The following CCDC7 variants were observed in gnomAD, a reference collection of about 807,000 sequenced individuals.
CCDC7 encodes the protein coiled-coil domain containing 7, also known as coiled-coil domain-containing protein 7.
A neutral mutation model predicts 196.9 loss-of-function variants in CCDC7; 183 were observed. That is an observed-to-expected ratio of 0.93 (90% CI 0.82 to 1.05). The LOEUF (loss-of-function observed/expected upper bound fraction) is 1.05. Ranked by LOEUF, CCDC7 falls within the 50% of genes least tolerant of loss-of-function variation. CCDC7 has a pLI of 0.00. For synonymous variants in CCDC7, 525 were observed against 484.6 expected, an observed-to-expected ratio of 1.08 and a Z score of -1.10; for missense variants, 1,540 against 1,482.2, an observed-to-expected ratio of 1.04 and a Z score of -0.64.
At chr10:32,685,176 C>G (rs564070071) in intron 21 of CCDC7, among the ~76,000 whole-genome samples, 6 of 148,106 alleles carry the variant, frequency 4.1e-5, no homozygotes, top group African/African-American at 1.5e-4. Flanking sequence ...TTCTTCCTTA[C>G]CTAACGGTGG....
rs542304106 is a variant in CCDC7 at position 32,559,096 on chromosome 10, G to A, written c.1135-6462G>A. On this transcript the variant is annotated intron_variant, in intron 13 of 41. Coordinates refer to ENST00000639629, the Ensembl canonical transcript of CCDC7. ...CAGCACTCTGAGATCAAACTGCAAGGCGGCAGCGAGGCTGGGGGAGGGGCG... is the reference window on the plus strand; with the variant it reads ...CAGCACTCTGAGATCAAACTGCAAGACGGCAGCGAGGCTGGGGGAGGGGCG... Among the ~76,000 whole-genome samples, 1,206 of 152,360 alleles carry A rather than the reference G, an allele frequency of 7.9e-3. 7 individuals carry two copies. The highest frequency in any genetic ancestry group is 0.02 in the Middle Eastern group (6 of 294).
Position 32,743,083 on chromosome 10 carries a change from T to C in CCDC7, c.2905+13626T>C, listed in dbSNP as rs567847207. ...CTACTGAAGAATGTTATGGGTTTTT[T>C]CCCCAAGTTGTGGCAATTATGAATA... On this transcript the variant is annotated intron_variant, in intron 28 of 41. Transcript: ENST00000639629. Among the ~76,000 whole-genome samples the C allele has an allele frequency of 1.9e-4, 29 of 152,324 alleles. No individual in the cohort carries two copies. In the South Asian group the frequency reaches 5.4e-3, roughly 28 times the overall value.
intron 20 of CCDC7, among the ~76,000 whole-genome samples, chr10:32,652,562 A>G (rs756110404): frequency 5.3e-5 from 8 of 151,920 alleles, no homozygotes; most frequent in Non-Finnish European, 8.8e-5. Context: ...TGTTTTTAGT[A>G]TATCTATTAT....
intron 29 of CCDC7, among the ~76,000 whole-genome samples, chr10:32,787,975 C>T (rs1008149010): frequency 2.6e-5 from 4 of 152,338 alleles, no homozygotes; most frequent in Non-Finnish European, 4.4e-5. Flanking sequence ...TCTAGTCTTG[C>T]TCCACTTCCA....
chr10:32,772,324 T>C (rs1342150555), intron 28 of CCDC7, among the ~76,000 whole-genome samples: 1 of 152,158 alleles, frequency 6.6e-6, no homozygotes, highest in East Asian at 1.9e-4. Context: ...ACTCCCACAG[T>C]GTTCCACTGA....
chr10:32,692,433 C>T (rs16933616), intron 23 of CCDC7, among the ~76,000 whole-genome samples: 17,253 of 152,172 alleles, frequency 0.11, 1,171 homozygotes, highest in South Asian at 0.27. Flanking sequence ...TCTAGAAAAC[C>T]GCATGGTGTC....
chr10:32,482,604 C>T (rs570079641), intron 8 of CCDC7, among the ~76,000 whole-genome samples: 3 of 152,212 alleles, frequency 2.0e-5, no homozygotes, highest in African/African-American at 4.8e-5. Flanking sequence ...CCCAGTGACT[C>T]GTCATTTAAC....
intron 13 of CCDC7, among the ~76,000 whole-genome samples, chr10:32,550,922 T>C (rs1450067694): frequency 1.3e-5 from 2 of 152,168 alleles, no homozygotes; most frequent in African/African-American, 4.8e-5. Context: ...TAGAATGAAT[T>C]AGGGAGGGTT....
At chr10:32,698,765 G>A (rs1002423172) in intron 24 of CCDC7, among the ~76,000 whole-genome samples, 3 of 152,230 alleles carry the variant, frequency 2.0e-5, no homozygotes, top group South Asian at 2.1e-4. Flanking sequence ...ATGGAACCAA[G>A]TTGGAAAACA....
intron 28 of CCDC7, among the ~76,000 whole-genome samples, chr10:32,764,096 C>G (rs1456851902): frequency 6.6e-6 from 1 of 151,798 alleles, no homozygotes; most frequent in African/African-American, 2.4e-5. Context: ...ACAGAAGCAG[C>G]CTTTTCATTC....
At chr10:32,776,301 C>G (rs1278643193) in intron 28 of CCDC7, among the ~76,000 whole-genome samples, 1 of 151,450 alleles carries the variant, frequency 6.6e-6, no homozygotes, top group Non-Finnish European at 1.5e-5. Context: ...ATCTAGATTT[C>G]TAGCTTCTTT....
rs560735863 is a variant in CCDC7 at position 32,544,435 on chromosome 10, T to C, written c.1134+134T>C. On this transcript the variant is annotated intron_variant, in intron 13 of 41. Transcript: ENST00000639629. ...GTGTGTGTATGTGTCTCTGTGTGTG[T>C]GTGTACTAAAATTCTTCCTGAGATA... 5.0e-6 allele frequency: 4 copies of C among 797,536 alleles called. No homozygotes were observed. In the East Asian group the frequency reaches 1.3e-4, roughly 25 times the overall value. The allele number at this position is 797,536 out of a possible 1,614,324, so 49.4% of individuals were successfully genotyped here.
At chr10:32,571,006 C>CT (rs376971167) in intron 15 of CCDC7, among the ~76,000 whole-genome samples, 76,082 of 131,206 alleles carry the variant, frequency 0.58, 23,929 homozygotes, top group East Asian at 0.9. Flanking sequence ...GGTCACTGGC[C>CT]TTTTTTTTTT....
Position 32,845,645 on chromosome 10 carries a change from A to T in CCDC7, c.3520+19A>T. 6.4e-7 allele frequency: 1 copy of T among 1,573,502 alleles called. No homozygotes were observed. Among genetic ancestry groups the T allele is most frequent in the Non-Finnish European group, 8.7e-7 (1 of 1,145,320 alleles). On this transcript the variant is annotated intron_variant, in intron 35 of 41. Coordinates refer to ENST00000639629, the Ensembl canonical transcript of CCDC7. The stretch of plus-strand genomic sequence containing the variant: ...CACCCAGGTAAGAGAAAACAATTTC[A>T]AGACTAATATTTATGGTTTATTTAT...
At chr10:32,483,127 T>C (rs1386535587) in intron 8 of CCDC7, among the ~76,000 whole-genome samples, 3 of 152,274 alleles carry the variant, frequency 2.0e-5, no homozygotes, top group East Asian at 1.9e-4. Flanking sequence ...AGTGTAAAAG[T>C]GTTCCTATTT....
At chr10:32,697,227 A>G (rs2077858992) in intron 24 of CCDC7, among the ~76,000 whole-genome samples, 1 of 152,200 alleles carries the variant, frequency 6.6e-6, no homozygotes, top group Admixed American at 6.5e-5. Flanking sequence ...ATGGCCGAAT[A>G]GGAACAGCTC....
At chr10:32,599,458 A>G (rs1366479173) in intron 18 of CCDC7, among the ~76,000 whole-genome samples, 2 of 152,004 alleles carry the variant, frequency 1.3e-5, no homozygotes, top group Admixed American at 1.3e-4. Flanking sequence ...TCATTATTAT[A>G]TTTGTTTTCA....
At chr10:32,721,210 G>C (rs1217139562) in intron 25 of CCDC7, among the ~76,000 whole-genome samples, 1 of 152,140 alleles carries the variant, frequency 6.6e-6, no homozygotes, top group African/African-American at 2.4e-5. Flanking sequence ...CTATTTTATG[G>C]CTATGAGTCA....
chr10:32,824,855 T>A (rs563384861), intron 32 of CCDC7, among the ~76,000 whole-genome samples: 1 of 152,356 alleles, frequency 6.6e-6, no homozygotes, highest in South Asian at 2.1e-4. Context: ...TGCAGATGTA[T>A]TTCAAATGCT....
Sources: gnomAD v4.1 joint callset for allele counts (sites outside exome capture counted in the v4.1 genomes callset) on GRCh38, gnomAD v4.1.1 for gene constraint, MANE v1.5 for transcripts, NCBI Gene and HGNC (gene_info 2026-07-23, HGNC 2026-07-21) for gene names.